Variants in ZNF384 observed in about 807,000 individuals in gnomAD.
The protein encoded by ZNF384 is CAG repeat protein 1.
A neutral mutation model predicts 65.0 loss-of-function variants in ZNF384; 20 were observed. The ratio of observed to expected loss-of-function variants is 0.31; its 90% CI spans 0.22 to 0.45. The LOEUF is 0.45. Ranked by LOEUF, ZNF384 falls within the 20% of genes least tolerant of loss-of-function variation. The pLI is 1.00. For synonymous variants in ZNF384, 310 were observed against 303.9 expected, an observed-to-expected ratio of 1.02 and a Z score of -0.21; for missense variants, 549 against 769.4, an observed-to-expected ratio of 0.71 and a Z score of 3.39.
Position 6,673,552 on chromosome 12 carries a change from C to T in ZNF384, c.780-112G>A, listed in dbSNP as rs554657790. ...CTATCTGAGGTCTCTCCTACTCCAA[C>T]TTGAGAGTAGAGCTCTATATATTCA... On this transcript the variant is annotated intron_variant, in intron 7 of 11. Coordinates refer to ENST00000683879, the MANE Select transcript of ZNF384 (RefSeq NM_001385745.1). The surrounding 1 kb of genome is among the most constrained non-coding windows in gnomAD (Gnocchi z 4.7). 1.2e-6 allele frequency: 1 copy of T among 807,314 alleles called. No individual in the cohort carries two copies. Among genetic ancestry groups the T allele is most frequent in the African/African-American group, 1.7e-5 (1 of 57,852 alleles). The allele number at this position is 807,314 out of a possible 1,614,324, so 50.0% of individuals were successfully genotyped here. A position where few individuals can be genotyped will look rare whatever the true frequency, so the allele number is the denominator to read the frequency against.
intron 3 of ZNF384, 69 bp from the exon 4 acceptor site, chr12:6,679,252 C>G (rs1296284093): frequency 9.1e-6 from 13 of 1,421,142 alleles, no homozygotes; most frequent in South Asian, 1.3e-5. Context: ...TGCTCGTGAG[C>G]ACACTTCAGT....
In ZNF384 at chr12:6,672,309, T is replaced by A. The variant is rs773401240; in HGVS notation, c.1187+41A>T. ...GTCCGGGGCGGGGGTGGGGAGGGCATGCCAGCGGGGCGGGGTCAGTAGCCC... is the reference window on the plus strand; with the variant it reads ...GTCCGGGGCGGGGGTGGGGAGGGCAAGCCAGCGGGGCGGGGTCAGTAGCCC... On this transcript the variant is annotated intron_variant, in intron 9 of 11. Coordinates refer to ENST00000683879, the MANE Select transcript of ZNF384 (RefSeq NM_001385745.1). This position sits in a 1 kb window ranked among gnomAD's most constrained non-coding sequence, Gnocchi z 4.4. 6 of 1,586,238 alleles carry A rather than the reference T, an allele frequency of 3.8e-6. No homozygotes were observed. Among genetic ancestry groups the A allele is most frequent in the Non-Finnish European group, 5.2e-6 (6 of 1,164,784 alleles).
intron 2 of ZNF384, among the ~76,000 whole-genome samples, chr12:6,684,462 T>C (rs1422689982): frequency 6.6e-6 from 1 of 152,230 alleles, no homozygotes; most frequent in Non-Finnish European, 1.5e-5. Flanking sequence ...AAACCTCACT[T>C]AGCTACCAAG....
chr12:6,679,210 C>A lies in ZNF384; in HGVS notation c.67-27G>T, dbSNP rs201564082. ...TAAGAGAAAAGGAAGGGGACGGGAG[C>A]ACCCTCTTCAGCCTGAGAGGCTGAT... On this transcript the variant is annotated intron_variant, in intron 3 of 11. Coordinates refer to ENST00000683879, the MANE Select transcript of ZNF384 (RefSeq NM_001385745.1). 2.5e-5 allele frequency: 39 copies of A among 1,538,244 alleles called. 1 individual carries two copies. In the African/African-American group the frequency reaches 4.4e-4, roughly 17 times the overall value.
chr12:6,673,953 T>C lies in ZNF384; in HGVS notation c.780-513A>G, dbSNP rs551446211. Reference sequence around the variant, plus strand: ...CTACTTCCTTTTTGGCAGCGATTCCTAGAGGGATGGGGGTGAGGAAGTATC... The same window carrying C: ...CTACTTCCTTTTTGGCAGCGATTCCCAGAGGGATGGGGGTGAGGAAGTATC... On this transcript the variant is annotated intron_variant, in intron 7 of 11. Coordinates refer to ENST00000683879, the MANE Select transcript of ZNF384 (RefSeq NM_001385745.1). This position sits in a 1 kb window ranked among gnomAD's most constrained non-coding sequence, Gnocchi z 4.7. Among the ~76,000 whole-genome samples, 151 of 152,262 alleles carry C rather than the reference T, an allele frequency of 9.9e-4. No homozygotes were observed. The highest frequency in any genetic ancestry group is 3.8e-3 in the Admixed American group (58 of 15,280).
intron 2 of ZNF384, among the ~76,000 whole-genome samples, chr12:6,683,284 G>A (rs1049750597): frequency 6.7e-6 from 1 of 150,226 alleles, no homozygotes; most frequent in African/African-American, 2.5e-5. Context: ...GAGCAAGACT[G>A]TCTCAAAAAA....
intron 10 of ZNF384, 89 bp downstream of exon 10, chr12:6,670,671 G>A (rs1951180558): frequency 8.2e-7 from 1 of 1,216,638 alleles, no homozygotes; most frequent in African/African-American, 1.5e-5. Flanking sequence ...GAGTGTAAAG[G>A]AGTCCTGAAA....
chr12:6,668,668 A>C (rs1950397381), intron 11 of ZNF384, among the ~76,000 whole-genome samples: 1 of 150,960 alleles, frequency 6.6e-6, no homozygotes, highest in South Asian at 2.1e-4. Context: ...AGATCACACC[A>C]CTGCACTCCA....
intron 10 of ZNF384, among the ~76,000 whole-genome samples, chr12:6,670,115 ATCT>A (rs1413409466): frequency 6.6e-6 from 1 of 152,206 alleles, no homozygotes; most frequent in East Asian, 1.9e-4. Flanking sequence ...GAATCTACTC[ATCT>A]TCTAGCTTAA....
At position 6,673,032 on chromosome 12, in the gene ZNF384, C is replaced by T. The variant is rs1952111126; in HGVS notation, c.1004+184G>A. Reference sequence around the variant, plus strand: ...TTCCAGACTTTGGAATTGGAGACCACAATTTTCAAGGCCCCCCAAATAGCT... The same window carrying T: ...TTCCAGACTTTGGAATTGGAGACCATAATTTTCAAGGCCCCCCAAATAGCT... On this transcript the variant is annotated intron_variant, in intron 8 of 11. Transcript: ENST00000683879. This position sits in a 1 kb window ranked among gnomAD's most constrained non-coding sequence, Gnocchi z 4.7. 4.7e-6 allele frequency: 3 copies of T among 633,836 alleles called. No homozygotes were observed. The highest frequency in any genetic ancestry group is 8.1e-6 in the Non-Finnish European group (3 of 368,190). 39.3% of individuals were successfully genotyped at this position (633,836 alleles called of 1,614,324 possible). A position where few individuals can be genotyped will look rare whatever the true frequency, so the allele number is the denominator to read the frequency against.
rs562514634 is a variant in ZNF384, at chr12:6,678,077, C to A, written c.686+50G>T. The A allele has an allele frequency of 7.1e-6, 11 of 1,543,888 alleles. No individual in the cohort carries two copies. The African/African-American group carries it at 1.1e-4, about 15-fold the overall frequency. On this transcript the variant is annotated intron_variant, in intron 6 of 11. Coordinates refer to ENST00000683879, the MANE Select transcript of ZNF384 (RefSeq NM_001385745.1). This position sits in a 1 kb window ranked among gnomAD's most constrained non-coding sequence, Gnocchi z 4.9. ...AACACAATGAGGGTACAGGGAGAAT[C>A]ACCAAGCCAGGGATCCTCGCCCCAT...
At position 6,667,915 on chromosome 12, in the gene ZNF384, C is replaced by G. The variant is rs768992769; in HGVS notation, c.1626G>C (p.Gln542His). The G allele has an allele frequency of 6.3e-7, 1 of 1,579,346 alleles. No homozygotes were observed. Among genetic ancestry groups the G allele is most frequent in the Non-Finnish European group, 8.6e-7 (1 of 1,162,000 alleles). Residue 542 changes from glutamine (Q) to histidine (H), a missense_variant, in exon 12 of 12, where the codon CAG becomes CAC. By Grantham distance (24) the Gln-to-His change is conservative. Transcript: ENST00000683879. ...GTGGTGGTGGCTGTTGCTGCTGCTG[C>G]TGCTGCTGCTGCTGCTGCTGCTGCT... ...QQQQQQQQQQ[Q>H]QQQQQPPPHF...
intron 10 of ZNF384, 139 bp downstream of exon 10, chr12:6,670,621 C>G (rs988887014): frequency 1.7e-5 from 12 of 721,252 alleles, no homozygotes; most frequent in South Asian, 1.6e-4. Flanking sequence ...CAGCTATTAC[C>G]CACATAAACA....
chr12:6,686,786 C>A (rs1185114204), intron 2 of ZNF384, among the ~76,000 whole-genome samples: 1 of 152,150 alleles, frequency 6.6e-6, no homozygotes, highest in East Asian at 1.9e-4. Flanking sequence ...AACACTTCCA[C>A]AAGATGAGGA....
At chr12:6,679,763 A>C (rs993780469) in intron 2 of ZNF384, among the ~76,000 whole-genome samples, 7 of 152,214 alleles carry the variant, frequency 4.6e-5, no homozygotes, top group African/African-American at 7.2e-5. Flanking sequence ...TATACGTATC[A>C]CATTTACTCA....
Position 6,672,764 on chromosome 12 carries a change from C to T in ZNF384, c.1005-232G>A, listed in dbSNP as rs1020637403. Among the ~76,000 whole-genome samples the T allele has an allele frequency of 6.6e-6, 1 of 152,120 alleles. No homozygotes were observed. The highest frequency in any genetic ancestry group is 6.5e-5 in the Admixed American group (1 of 15,274). On this transcript the variant is annotated intron_variant, in intron 8 of 11. Transcript: ENST00000683879. The surrounding 1 kb of genome is among the most constrained non-coding windows in gnomAD (Gnocchi z 4.4). Reference sequence around the variant, plus strand: ...AGTGAGATGATGAAGAGCTGCAACCCATGGCTCCTGGTAACCTTAAAGTAG... The same window carrying T: ...AGTGAGATGATGAAGAGCTGCAACCTATGGCTCCTGGTAACCTTAAAGTAG...
intron 3 of ZNF384, 48 bp from the exon 4 acceptor site, chr12:6,679,231 C>T: frequency 6.7e-7 from 1 of 1,495,546 alleles, no homozygotes; most frequent in African/African-American, 1.4e-5. Flanking sequence ...GCCTGAGAGG[C>T]TGATTCTGCT....
At chr12:6,668,852 G>C (rs1462578856) in intron 11 of ZNF384, among the ~76,000 whole-genome samples, 179 bp downstream of exon 11, 1 of 152,160 alleles carries the variant, frequency 6.6e-6, no homozygotes, top group Non-Finnish European at 1.5e-5. Context: ...TAGGAGATCA[G>C]GCATCCCCTA....
In ZNF384 at chr12:6,678,939, T is replaced by G. The variant is rs777839230; in HGVS notation, c.304+7A>C. ...ACCTCAGATTGGAGAAGAGCAGAGT[T>G]GCTCACCAGCAGTCATCAGTCCTGT... On this transcript the variant is annotated splice_region_variant and intron_variant, in intron 4 of 11. Coordinates refer to ENST00000683879, the MANE Select transcript of ZNF384 (RefSeq NM_001385745.1). This position sits in a 1 kb window ranked among gnomAD's most constrained non-coding sequence, Gnocchi z 4.9. 1 of 1,612,666 alleles carries G rather than the reference T, an allele frequency of 6.2e-7. No individual in the cohort carries two copies. Among genetic ancestry groups the G allele is most frequent in the Non-Finnish European group, 8.5e-7 (1 of 1,178,932 alleles).
Sources: allele counts gnomAD v4.1 joint callset (sites outside exome capture counted in the v4.1 genomes callset), GRCh38; gene constraint gnomAD v4.1.1; non-coding constraint Gnocchi (gnomAD v3.1); transcripts MANE v1.5; gene names NCBI Gene and HGNC (gene_info 2026-07-23, HGNC 2026-07-21).